The following PRSS23 variants were observed in gnomAD, a reference collection of about 807,000 sequenced individuals.
PRSS23 encodes the protein protease, serine 23.
PRSS23 carries 25 observed loss-of-function variants against 34.7 expected under a neutral mutation model. The ratio of observed to expected loss-of-function variants is 0.72; its 90% CI spans 0.53 to 1.01. PRSS23 has a LOEUF of 1.01. Among genes scored for constraint, PRSS23 ranks in the 50% least tolerant of loss-of-function variants. PRSS23 has a pLI of 0.00. For synonymous variants in PRSS23, 176 were observed against 186.6 expected, an observed-to-expected ratio of 0.94 and a Z score of 0.46; for missense variants, 445 against 475.6, an observed-to-expected ratio of 0.94 and a Z score of 0.60.
In PRSS23 at chr11:86,807,782, A is replaced by T; in HGVS notation, c.139A>T (p.Asn47Tyr). Residue 47 changes from asparagine to tyrosine, a missense_variant, in exon 2 of 2, where the codon AAT becomes TAT. Transcript: ENST00000280258. Reference protein sequence around the residue: ...LPVVLPQSTLNLAKPDFGAEA... With the variant: ...LPVVLPQSTLYLAKPDFGAEA... ...TGTCGTCTTGCCCCAGTCTACCCTC[A>T]ATTTAGCCAAGCCAGACTTTGGAGC... is the stretch of plus-strand genomic sequence containing the variant. The T allele has an allele frequency of 1.2e-6, 2 of 1,614,052 alleles. No homozygotes were observed. The highest frequency in any genetic ancestry group is 1.3e-5 in the African/African-American group (1 of 74,998).
intron 2 of PRSS23, among the ~76,000 whole-genome samples, chr11:86,869,294 T>G (rs1230630839): frequency 6.6e-6 from 1 of 152,196 alleles, no homozygotes; most frequent in African/African-American, 2.4e-5. Flanking sequence ...ATGATGTATC[T>G]AGAAAGCAGC....
chr11:86,878,963 C>T (rs554162417), intron 2 of PRSS23, among the ~76,000 whole-genome samples: 3,167 of 109,996 alleles, frequency 0.029, no homozygotes, highest in Non-Finnish European at 0.045. Context: ...GCCGCCATCC[C>T]GTCTAGGAAG....
At chr11:86,897,789 T>A (rs1279975729) in intron 2 of PRSS23, among the ~76,000 whole-genome samples, 2 of 152,214 alleles carry the variant, frequency 1.3e-5, no homozygotes, top group Non-Finnish European at 2.9e-5. Flanking sequence ...ACTCTTGCCA[T>A]CATCATCTTC....
At chr11:86,799,692 T>G (rs1011213974), upstream of PRSS23, among the ~76,000 whole-genome samples, 1 of 144,706 alleles carries the variant, frequency 6.9e-6, no homozygotes, top group African/African-American at 2.5e-5. Flanking sequence ...CACACCCCCC[T>G]ACCCTGGCCC....
intron 2 of PRSS23, among the ~76,000 whole-genome samples, chr11:86,854,166 A>G (rs1948552097): frequency 6.6e-6 from 1 of 152,180 alleles, no homozygotes; most frequent in Non-Finnish European, 1.5e-5. Flanking sequence ...ACGCCTGGCT[A>G]ATTTTTTGTA....
chr11:86,890,212 G>A (rs985366335), intron 2 of PRSS23, among the ~76,000 whole-genome samples: 1 of 151,986 alleles, frequency 6.6e-6, no homozygotes, highest in Non-Finnish European at 1.5e-5. Context: ...GGACATCGCA[G>A]TGAGCTGAGA....
At chr11:86,828,168 C>G (rs954486051) in intron 2 of PRSS23, among the ~76,000 whole-genome samples, 6 of 152,198 alleles carry the variant, frequency 3.9e-5, no homozygotes, top group African/African-American at 1.2e-4. Flanking sequence ...CTTTATGAAT[C>G]TGGGTGCTCC....
At chr11:86,803,792 C>G (rs1175135393) in intron 1 of PRSS23, among the ~76,000 whole-genome samples, 1 of 152,168 alleles carries the variant, frequency 6.6e-6, no homozygotes, top group African/African-American at 2.4e-5. Flanking sequence ...TAGGTTTTCC[C>G]TCCCAGCACT....
chr11:86,950,655 C>T (rs1949282062), intron 2 of PRSS23: 1 of 192,332 alleles, frequency 5.2e-6, no homozygotes, highest in Admixed American at 5.3e-5. Context: ...AACTATAAAA[C>T]TCTTGTAACA....
At chr11:86,913,427 T>G (rs1948991424) in intron 2 of PRSS23, among the ~76,000 whole-genome samples, 1 of 150,602 alleles carries the variant, frequency 6.6e-6, no homozygotes, top group African/African-American at 2.5e-5. Context: ...TAGTCTACTG[T>G]TTTTATTTGT....
intron 2 of PRSS23, chr11:86,949,515 C>G (rs1157329593): frequency 6.6e-6 from 1 of 151,860 alleles, no homozygotes; most frequent in Admixed American, 6.6e-5. Flanking sequence ...GTATGAGTTA[C>G]AAGGAGAGCA....
chr11:86,809,772 A>T lies in PRSS23; in HGVS notation c.*977A>T, dbSNP rs1948156611. The T allele has an allele frequency of 6.0e-6, 1 of 167,052 alleles. No individual in the cohort carries two copies. The highest frequency in any genetic ancestry group is 2.4e-5 in the African/African-American group (1 of 41,456). The allele number at this position is 167,052 out of a possible 1,614,324, so 10.3% of individuals were successfully genotyped here. On this transcript the variant is annotated 3_prime_UTR_variant, in exon 2 of 2. Coordinates refer to ENST00000280258, the MANE Select transcript of PRSS23 (RefSeq NM_007173.6). ...AAAATGAATTAAATTCCAGAGAACA[A>T]TGGAAGCATTGCCTGGCAGATGTCA...
At chr11:86,847,887 C>G (rs1345871913) in intron 2 of PRSS23, among the ~76,000 whole-genome samples, 1 of 152,146 alleles carries the variant, frequency 6.6e-6, no homozygotes, top group Non-Finnish European at 1.5e-5. Flanking sequence ...CTGTGCCAAG[C>G]CTGCGAGCTT....
At chr11:86,934,148 C>A (rs1293267420) in intron 2 of PRSS23, 1 of 152,182 alleles carries the variant, frequency 6.6e-6, no homozygotes, top group Non-Finnish European at 1.5e-5. Flanking sequence ...CTTGAAATAA[C>A]AGATGTATGT....
intron 2 of PRSS23, among the ~76,000 whole-genome samples, chr11:86,833,765 G>C (rs951516562): frequency 1.3e-5 from 2 of 152,110 alleles, no homozygotes; most frequent in African/African-American, 4.8e-5. Flanking sequence ...CTAGGCTTAG[G>C]GATTCTTAGT....
At chr11:86,871,491 A>T (rs1948684009) in intron 2 of PRSS23, among the ~76,000 whole-genome samples, 1 of 152,166 alleles carries the variant, frequency 6.6e-6, no homozygotes, top group Non-Finnish European at 1.5e-5. Flanking sequence ...TGCTCTGTAC[A>T]GTATTCTCTT....
chr11:86,919,800 C>G (rs1218070029), intron 2 of PRSS23, among the ~76,000 whole-genome samples: 6 of 152,158 alleles, frequency 3.9e-5, no homozygotes, highest in African/African-American at 1.4e-4. Context: ...TGAGCCATGT[C>G]TTTGTTTTTT....
intron 2 of PRSS23, among the ~76,000 whole-genome samples, chr11:86,851,892 A>T (rs543711480): frequency 4.9e-4 from 74 of 152,176 alleles, no homozygotes; most frequent in Admixed American, 2.6e-3. Context: ...TGAGATGTCT[A>T]TGAAAAGGAC....
chr11:86,817,789 A>G (rs1948224583), intron 1 of PRSS23, among the ~76,000 whole-genome samples: 1 of 152,250 alleles, frequency 6.6e-6, no homozygotes, highest in East Asian at 1.9e-4. Flanking sequence ...AATGATTTAC[A>G]TATATTAATT....
Sources: allele counts gnomAD v4.1 joint callset (sites outside exome capture counted in the v4.1 genomes callset), GRCh38; gene constraint gnomAD v4.1.1; transcripts MANE v1.5; gene names NCBI Gene and HGNC (gene_info 2026-07-23, HGNC 2026-07-21).